Variants in SCAF8 observed in about 807,000 individuals in gnomAD.
The protein encoded by SCAF8 is SR-related CTD associated factor 8.
A neutral mutation model predicts 140.5 loss-of-function variants in SCAF8; 23 were observed. The observed-to-expected ratio is 0.16, with a 90% CI of 0.12 to 0.23. SCAF8 has a LOEUF of 0.23. SCAF8 is among the 10% of genes least tolerant of loss of function. The pLI is 1.00. For synonymous variants in SCAF8, 575 were observed against 528.9 expected, an observed-to-expected ratio of 1.09 and a Z score of -1.20; for missense variants, 1,397 against 1,555.7, an observed-to-expected ratio of 0.90 and a Z score of 1.72.
At chr6:154,792,770 T>C (rs1398514162) in intron 4 of SCAF8, 53 bp from the exon 5 acceptor site, 28 of 1,321,322 alleles carry the variant, frequency 2.1e-5, no homozygotes, top group Non-Finnish European at 2.9e-5. Flanking sequence ...GAAATGACTG[T>C]ACTAAGGTTT....
intron 1 of SCAF8, among the ~76,000 whole-genome samples, chr6:154,764,233 A>C (rs899421702): frequency 6.6e-6 from 1 of 151,998 alleles, no homozygotes; most frequent in African/African-American, 2.4e-5. Flanking sequence ...AGAATGAATT[A>C]ATTACACTGA....
At chr6:154,788,805 G>A (rs777875693) in intron 4 of SCAF8, among the ~76,000 whole-genome samples, 15 of 152,168 alleles carry the variant, frequency 9.9e-5, no homozygotes, top group Admixed American at 6.5e-4. Flanking sequence ...GATCATGAGC[G>A]AGCATAAAAA....
Position 154,733,566 on chromosome 6 carries a change from AGAGG to A in SCAF8, c.-329_-326del, listed in dbSNP as rs1778318077. ...AGTGGAGAGTGTAGGGGAAGGGGCTAGAGGGAGGGGGACCGAAACGGAGCGGGGC... is the reference window on the plus strand; with the variant it reads ...AGTGGAGAGTGTAGGGGAAGGGGCTAGAGGGGGACCGAAACGGAGCGGGGC... On this transcript the variant is annotated 5_prime_UTR_variant, in exon 1 of 20. Transcript: ENST00000367178. The A allele has an allele frequency of 4.7e-6, 6 of 1,281,722 alleles. No homozygotes were observed. The highest frequency in any genetic ancestry group is 4.2e-5 in the Admixed American group (1 of 23,820). 79.4% of individuals were successfully genotyped at this position (1,281,722 alleles called of 1,614,324 possible). A position where few individuals can be genotyped will look rare whatever the true frequency, so the allele number is the denominator to read the frequency against.
chr6:154,792,758 A>G (rs560131216), intron 4 of SCAF8, 65 bp from the exon 5 acceptor site: 19 of 1,158,248 alleles, frequency 1.6e-5, no homozygotes, highest in East Asian at 7.9e-5. Context: ...GATAGCCTCT[A>G]TGAAATGACT....
chr6:154,833,074 A>G lies in SCAF8; in HGVS notation c.3495A>G (p.Arg1165=). 2.5e-6 allele frequency: 4 copies of G among 1,614,182 alleles called. No individual in the cohort carries two copies. Among genetic ancestry groups the G allele is most frequent in the Non-Finnish European group, 3.4e-6 (4 of 1,180,022 alleles). ...AGAGGCAAAGGGATAGGGATGACAGAGATTTTGATTTCTGCAGAGAAATGA... is the reference window on the plus strand; with the variant it reads ...AGAGGCAAAGGGATAGGGATGACAGGGATTTTGATTTCTGCAGAGAAATGA... The part of the protein sequence containing the change: ...PWERQRDRDD[R]DFDFCREMNG... The change falls in exon 20 of 20, where the codon AGA becomes AGG. Residue 1165 remains arginine, a synonymous_variant. Coordinates refer to ENST00000367178, the MANE Select transcript of SCAF8 (RefSeq NM_014892.5).
At chr6:154,830,706 T>C (rs1778705494) in intron 18 of SCAF8, among the ~76,000 whole-genome samples, 1 of 152,226 alleles carries the variant, frequency 6.6e-6, no homozygotes, top group African/African-American at 2.4e-5. Context: ...GTGAAATATT[T>C]CTGAAAATTG....
At chr6:154,791,424 G>C (rs1777414756) in intron 4 of SCAF8, among the ~76,000 whole-genome samples, 1 of 152,146 alleles carries the variant, frequency 6.6e-6, no homozygotes, top group Non-Finnish European at 1.5e-5. Flanking sequence ...TAGGGTATAA[G>C]TAATTAAATA....
chr6:154,813,083 T>A (rs1194495272), intron 12 of SCAF8, among the ~76,000 whole-genome samples: 3 of 151,214 alleles, frequency 2.0e-5, no homozygotes, highest in Non-Finnish European at 4.4e-5. Flanking sequence ...TTCACACTTC[T>A]GTAGTCCCAG....
At chr6:154,747,361 T>C (rs984466703) in intron 1 of SCAF8, among the ~76,000 whole-genome samples, 3 of 151,938 alleles carry the variant, frequency 2.0e-5, no homozygotes, top group Non-Finnish European at 4.4e-5. Context: ...ACAAAAAATA[T>C]TAATACAAAA....
intron 15 of SCAF8, among the ~76,000 whole-genome samples, chr6:154,821,512 A>G (rs1052929406): frequency 2.0e-5 from 3 of 152,212 alleles, no homozygotes; most frequent in Admixed American, 6.5e-5. Context: ...TTTAGTGTCA[A>G]TAAGTTCTAA....
chr6:154,787,154 A>G (rs1777279456), intron 3 of SCAF8, among the ~76,000 whole-genome samples: 1 of 152,200 alleles, frequency 6.6e-6, no homozygotes, highest in Non-Finnish European at 1.5e-5. Flanking sequence ...CAGGAGTTTG[A>G]GACTAGCCTG....
intron 5 of SCAF8, 21 bp from the exon 6 acceptor site, chr6:154,794,988 G>T (rs774458365): frequency 4.4e-6 from 7 of 1,573,786 alleles, no homozygotes; most frequent in South Asian, 3.6e-5. Context: ...TATTTGGGGG[G>T]TGTGATGTTC....
chr6:154,812,688 G>T (rs953721774), intron 12 of SCAF8, among the ~76,000 whole-genome samples: 2 of 152,142 alleles, frequency 1.3e-5, no homozygotes, highest in Admixed American at 1.3e-4. Context: ...TTCGTGAATA[G>T]TCTAGGGGAT....
intron 3 of SCAF8, among the ~76,000 whole-genome samples, chr6:154,782,441 CAG>C (rs931376037): frequency 2.7e-5 from 4 of 149,596 alleles, no homozygotes; most frequent in African/African-American, 4.9e-5. Context: ...AACAAACAAA[CAG>C]AAAAAATGGG....
intron 6 of SCAF8, among the ~76,000 whole-genome samples, chr6:154,797,398 AT>A (rs112002749): frequency 5.4e-5 from 8 of 148,156 alleles, no homozygotes; most frequent in African/African-American, 1.7e-4. Flanking sequence ...TTTATCAGTG[AT>A]TTTTTTTTTC....
At chr6:154,741,696 C>T (rs1014495852) in intron 1 of SCAF8, among the ~76,000 whole-genome samples, 16 of 152,108 alleles carry the variant, frequency 1.1e-4, no homozygotes, top group South Asian at 2.1e-4. Context: ...TGTGAGCCAC[C>T]GCGCCCGGCC....
At chr6:154,758,635 A>G (rs1779024723) in intron 1 of SCAF8, among the ~76,000 whole-genome samples, 1 of 152,142 alleles carries the variant, frequency 6.6e-6, no homozygotes, top group African/African-American at 2.4e-5. Context: ...TCTCTGGCCA[A>G]AAAGTCATGT....
At chr6:154,768,328 G>A (rs1015551660) in intron 1 of SCAF8, among the ~76,000 whole-genome samples, 2 of 152,168 alleles carry the variant, frequency 1.3e-5, no homozygotes, top group Admixed American at 1.3e-4. Context: ...TGGTATTCAA[G>A]GTTCATGTTA....
intron 15 of SCAF8, 38 bp downstream of exon 15, chr6:154,820,371 T>A (rs1183321761): frequency 6.5e-7 from 1 of 1,545,284 alleles, no homozygotes; most frequent in South Asian, 1.2e-5. Flanking sequence ...TAAAAAAAAG[T>A]ATGCTTAGAA....
Sources: allele counts gnomAD v4.1 joint callset (sites outside exome capture counted in the v4.1 genomes callset), GRCh38; gene constraint gnomAD v4.1.1; transcripts MANE v1.5; gene names NCBI Gene and HGNC (gene_info 2026-07-23, HGNC 2026-07-21).